CDH13: variants seen among roughly 807,000 people sequenced by gnomAD.
CDH13 encodes the protein cadherin-13.
In CDH13, 24 loss-of-function variants were observed where a neutral mutation model predicts 63.8. The ratio of observed to expected loss-of-function variants is 0.38; its 90% CI spans 0.27 to 0.53. The LOEUF (loss-of-function observed/expected upper bound fraction) is 0.53, where lower values mean the gene tolerates loss of function less well. CDH13 is among the 20% of genes least tolerant of loss of function. CDH13 has a pLI of 0.85. For synonymous variants in CDH13, 503 were observed against 355.3 expected (o/e 1.42, Z -4.67); for missense variants, 1,049 against 903.1 (o/e 1.16, Z -2.07).
At chr16:83,001,311 C>G (rs1012530773) in intron 2 of CDH13, among the ~76,000 whole-genome samples, 5 of 152,218 alleles carry the variant, frequency 3.3e-5, no homozygotes, top group African/African-American at 1.2e-4. Flanking sequence ...AGCTGCTTAG[C>G]ACAAGTAGTG....
chr16:82,839,396 C>T (rs750730466), intron 1 of CDH13, among the ~76,000 whole-genome samples: 1 of 152,198 alleles, frequency 6.6e-6, no homozygotes, highest in East Asian at 1.9e-4. Flanking sequence ...TCTCTTGTCA[C>T]ATAGCTCAAT....
At chr16:83,662,540 C>G (rs367809677) in intron 8 of CDH13, among the ~76,000 whole-genome samples, 6 of 152,054 alleles carry the variant, frequency 3.9e-5, no homozygotes, top group Admixed American at 1.3e-4. Context: ...AGAATCGGGG[C>G]GGGGTGGCTG....
rs1285778520 is a variant in CDH13, at chr16:82,717,638, A to G, written c.45+90501A>G. On this transcript the variant is annotated intron_variant, in intron 1 of 13. Coordinates refer to ENST00000567109, the MANE Select transcript of CDH13 (RefSeq NM_001257.5). ...TAGTCCCTGGCTCCGTGGTCCCATGACCTTTTGTGTCCAATATTCCTCTGC... is the reference window on the plus strand; with the variant it reads ...TAGTCCCTGGCTCCGTGGTCCCATGGCCTTTTGTGTCCAATATTCCTCTGC... Among the ~76,000 whole-genome samples the G allele has an allele frequency of 2.6e-5, 4 of 152,114 alleles. No individual in the cohort carries two copies. The East Asian group carries it at 7.7e-4, about 29-fold the overall frequency.
chr16:83,071,070 C>T (rs1387748957), intron 3 of CDH13, among the ~76,000 whole-genome samples: 1 of 152,078 alleles, frequency 6.6e-6, no homozygotes, highest in Non-Finnish European at 1.5e-5. Flanking sequence ...CTCTCCTAGG[C>T]ATGAGACACC....
intron 6 of CDH13, among the ~76,000 whole-genome samples, chr16:83,351,459 G>C (rs1265081855): frequency 6.6e-6 from 1 of 152,138 alleles, no homozygotes; most frequent in Non-Finnish European, 1.5e-5. Flanking sequence ...TACACAGAGA[G>C]ATGCAGGTGC....
intron 3 of CDH13, among the ~76,000 whole-genome samples, chr16:83,085,782 G>A (rs1039315388): frequency 2.0e-5 from 3 of 152,186 alleles, no homozygotes; most frequent in Admixed American, 1.3e-4. Flanking sequence ...TTTTCTTGCT[G>A]ACAGAACTTC....
intron 7 of CDH13, among the ~76,000 whole-genome samples, chr16:83,595,008 C>G (rs1907124210): frequency 6.6e-6 from 1 of 152,106 alleles, no homozygotes; most frequent in Admixed American, 6.5e-5. Flanking sequence ...TAGCTGGTAG[C>G]TAGTTGACAC....
intron 7 of CDH13, among the ~76,000 whole-genome samples, chr16:83,535,644 G>A (rs959305759): frequency 3.9e-5 from 6 of 152,316 alleles, no homozygotes; most frequent in Admixed American, 2.0e-4. Flanking sequence ...GAAATGCTGA[G>A]CCAACTGTGC....
At chr16:83,543,599 A>G (rs778801097) in intron 7 of CDH13, among the ~76,000 whole-genome samples, 2 of 152,230 alleles carry the variant, frequency 1.3e-5, no homozygotes, top group African/African-American at 4.8e-5. Context: ...ATCACTGTTA[A>G]TTTTCACCTA....
chr16:83,706,285 C>T (rs749370646), intron 10 of CDH13, among the ~76,000 whole-genome samples: 5 of 152,328 alleles, frequency 3.3e-5, no homozygotes, highest in Admixed American at 6.5e-5. Context: ...GTTTCTCTTT[C>T]GCCTTTTATG....
At chr16:83,467,874 G>A (rs1475905905) in intron 6 of CDH13, among the ~76,000 whole-genome samples, 1 of 152,194 alleles carries the variant, frequency 6.6e-6, no homozygotes, top group African/African-American at 2.4e-5. Context: ...ACAGTACCCT[G>A]GGCAGCATAA....
chr16:82,992,360 T>C (rs1156812168), intron 2 of CDH13, among the ~76,000 whole-genome samples: 1 of 152,246 alleles, frequency 6.6e-6, no homozygotes, highest in Non-Finnish European at 1.5e-5. Context: ...CTCCATTAAA[T>C]GGAGATTTTG....
intron 6 of CDH13, among the ~76,000 whole-genome samples, chr16:83,445,590 A>T (rs1285185838): frequency 6.6e-6 from 1 of 152,134 alleles, no homozygotes; most frequent in African/African-American, 2.4e-5. Context: ...GAACTTTCAC[A>T]CTTGGCTTTA....
At chr16:82,958,483 C>T (rs1019011687) in intron 2 of CDH13, among the ~76,000 whole-genome samples, 10 of 152,128 alleles carry the variant, frequency 6.6e-5, no homozygotes, top group Non-Finnish European at 1.3e-4. Context: ...CAAAATTATC[C>T]TGAAAAATTT....
At chr16:83,283,135 C>A (rs529944606) in intron 5 of CDH13, among the ~76,000 whole-genome samples, 2 of 152,290 alleles carry the variant, frequency 1.3e-5, no homozygotes, top group South Asian at 2.1e-4. Flanking sequence ...TCAGCACAAT[C>A]CCTTAGATCT....
rs564045686 is a variant in CDH13, at chr16:82,834,083, G to C, written c.46-24279G>C. On this transcript the variant is annotated intron_variant, in intron 1 of 13. Coordinates refer to ENST00000567109, the MANE Select transcript of CDH13 (RefSeq NM_001257.5). ...CAGCTCATCTGCTTTCAAAAGATAA[G>C]ATATGATTGCTTTGTATTTTTTATA... Among the ~76,000 whole-genome samples the C allele has an allele frequency of 3.3e-5, 5 of 152,272 alleles. No homozygotes were observed. In the South Asian group the frequency reaches 1.0e-3, roughly 32 times the overall value.
chr16:83,491,103 T>C (rs980995957), intron 7 of CDH13, among the ~76,000 whole-genome samples: 1 of 152,254 alleles, frequency 6.6e-6, no homozygotes, highest in Non-Finnish European at 1.5e-5. Context: ...GAAGTTACTT[T>C]ATTATAGGTG....
intron 2 of CDH13, among the ~76,000 whole-genome samples, chr16:82,930,040 T>G (rs1252634804): frequency 1.0e-3 from 23 of 22,954 alleles, no homozygotes; most frequent in Non-Finnish European, 7.6e-3. Context: ...AGTTTGTCTC[T>G]TTTTTTTTTT....
rs373233858 is a variant in CDH13, at chr16:83,584,057, C to T, written c.961-18397C>T. On this transcript the variant is annotated intron_variant, in intron 7 of 13. Coordinates refer to ENST00000567109, the MANE Select transcript of CDH13 (RefSeq NM_001257.5). ...TTAAAGCATGGTTTCTGGCTGGGCG[C>T]GGTGGCTCACGCCTGTAATCCCAGC... 1.9e-3 allele frequency among the ~76,000 whole-genome samples: 280 copies of T among 150,408 alleles called. 2 individuals carry two copies. The highest frequency in any genetic ancestry group is 6.0e-3 in the African/African-American group (245 of 41,040).
Sources: gnomAD v4.1 joint callset for allele counts (sites outside exome capture counted in the v4.1 genomes callset) on GRCh38, gnomAD v4.1.1 for gene constraint, MANE v1.5 for transcripts, NCBI Gene and HGNC (gene_info 2026-07-23, HGNC 2026-07-21) for gene names.